CFHR1: variants seen among roughly 807,000 people sequenced by gnomAD.
CFHR1 encodes complement factor H related 1.
CFHR1 carries 22 observed loss-of-function variants against 30.4 expected under a neutral mutation model. The ratio of observed to expected loss-of-function variants is 0.72; its 90% CI spans 0.52 to 1.03. The LOEUF (loss-of-function observed/expected upper bound fraction) is 1.03. Among genes scored for constraint, CFHR1 ranks in the 50% least tolerant of loss-of-function variants. The pLI is 0.00. For missense variants in CFHR1, 248 were observed against 380.6 expected (o/e 0.65, Z 2.90); for synonymous variants, 95 against 129.1 (o/e 0.74, Z 1.79).
chr1:196,823,259 G>A lies in CFHR1; in HGVS notation c.59-2218G>A, dbSNP rs890750972. 3.7e-5 allele frequency among the ~76,000 whole-genome samples: 5 copies of A among 134,884 alleles called. 2 individuals are homozygous for A. The highest frequency in any genetic ancestry group is 1.4e-4 in the Admixed American group (2 of 13,964). 88.5% of individuals were successfully genotyped at this position (134,884 alleles called of 152,430 possible). On this transcript the variant is annotated intron_variant, in intron 1 of 5. Coordinates refer to ENST00000320493, the MANE Select transcript of CFHR1 (RefSeq NM_002113.3). Reference sequence around the variant, plus strand: ...AAGAAGACATTAACACTCCTAGCTAGCACCATTGCAGATATGCACAATGAA... The same window carrying A: ...AAGAAGACATTAACACTCCTAGCTAACACCATTGCAGATATGCACAATGAA...
intron 4 of CFHR1, among the ~76,000 whole-genome samples, chr1:196,829,136 AG>A (rs1655451459): frequency 7.4e-6 from 1 of 134,498 alleles, no homozygotes; most frequent in East Asian, 2.0e-4. Flanking sequence ...CCTTTTAAAA[AG>A]TTGTTGCTCT....
Position 196,825,522 on chromosome 1 carries a change from A to G in CFHR1, c.104A>G (p.Asp35Gly), listed in dbSNP as rs780151716. 1 of 1,519,514 alleles carries G rather than the reference A, an allele frequency of 6.6e-7. No homozygotes were observed. The highest frequency in any genetic ancestry group is 1.7e-5 in the Admixed American group (1 of 57,898). 94.1% of individuals were successfully genotyped at this position (1,519,514 alleles called of 1,614,324 possible). The change falls in exon 2 of 6, where the codon GAT becomes GGT. Residue 35 changes from aspartate (D) to glycine (G), a missense_variant. By Grantham distance (94) the Asp-to-Gly change is moderately conservative. Transcript: ENST00000320493. ...FPKINHGILY[D>G]EEKYKPFSQV... is the part of the protein sequence containing the mutation. Reference sequence around the variant, plus strand: ...AAAATAAACCATGGAATTCTATATGATGAAGAAAAATATAAGCCATTTTCC... The same window carrying G: ...AAAATAAACCATGGAATTCTATATGGTGAAGAAAAATATAAGCCATTTTCC...
In CFHR1 at chr1:196,825,185, C is replaced by T. The variant is rs530826447; in HGVS notation, c.59-292C>T. 267 of 279,962 alleles carry T rather than the reference C, an allele frequency of 9.5e-4. 37 individuals carry two copies. The highest frequency in any genetic ancestry group is 4.6e-3 in the South Asian group (114 of 24,802). The allele number at this position is 279,962 out of a possible 1,614,324, so 17.3% of individuals were successfully genotyped here. ...GCTACTCTTACACTCTGTCTTCATTCTTAAATTGTTGTGTGTGGGTTTTAT... is the reference window on the plus strand; with the variant it reads ...GCTACTCTTACACTCTGTCTTCATTTTTAAATTGTTGTGTGTGGGTTTTAT... On this transcript the variant is annotated intron_variant, in intron 1 of 5. Coordinates refer to ENST00000320493, the MANE Select transcript of CFHR1 (RefSeq NM_002113.3).
chr1:196,820,906 T>C (rs1655095936), intron 1 of CFHR1: 1 of 133,736 alleles, frequency 7.5e-6, no homozygotes, highest in Non-Finnish European at 1.5e-5. Context: ...ATGGTGTGAT[T>C]TCGGCTCACC....
Position 196,830,680 on chromosome 1 carries a change from T to A in CFHR1, c.788T>A (p.Leu263Ter), listed in dbSNP as rs1296441000. 2 of 1,523,090 alleles carry A rather than the reference T, an allele frequency of 1.3e-6. No individual in the cohort carries two copies. The highest frequency in any genetic ancestry group is 3.5e-5 in the Admixed American group (2 of 57,938). The allele number at this position is 1,523,090 out of a possible 1,614,324, so 94.3% of individuals were successfully genotyped here. A position where few individuals can be genotyped will look rare whatever the true frequency, so the allele number is the denominator to read the frequency against. Residue 263 changes from leucine to a stop codon, truncating the protein, a stop_gained and splice_region_variant, in exon 5 of 6, where the codon TTA (leucine) becomes TAA (stop). Transcript: ENST00000320493. LOFTEE classifies it low-confidence loss of function (END_TRUNC). ...CAATGGTCAGAACCACCAAAATGCT[T>A]ACGTAAGTACTTTAATATTCACGTG... is the stretch of plus-strand genomic sequence containing the variant. ...NGQWSEPPKC[L>*]HPCVISREIM... is the part of the protein sequence containing the mutation.
chr1:196,825,296 G>C lies in CFHR1; in HGVS notation c.59-181G>C, dbSNP rs416726. 215,853 of 478,748 alleles carry C rather than the reference G, an allele frequency of 0.45. 65,297 individuals are homozygous for C. The highest frequency in any genetic ancestry group is 0.66 in the African/African-American group (25,163 of 37,986). 29.7% of individuals were successfully genotyped at this position (478,748 alleles called of 1,614,324 possible). On this transcript the variant is annotated intron_variant, in intron 1 of 5. Transcript: ENST00000320493. ...TCATTAACAATTACCTCCTCAAATAGTCATGTACTCCTAGTTAGTGATGCT... is the reference window on the plus strand; with the variant it reads ...TCATTAACAATTACCTCCTCAAATACTCATGTACTCCTAGTTAGTGATGCT...
At chr1:196,823,986 G>GTA (rs1422576526) in intron 1 of CFHR1, among the ~76,000 whole-genome samples, 1 of 124,670 alleles carries the variant, frequency 8.0e-6, no homozygotes. Flanking sequence ...AAATATGTGT[G>GTA]TATATATATG....
At position 196,828,063 on chromosome 1, in the gene CFHR1, T is replaced by C. The variant is rs776074027; in HGVS notation, c.431-7T>C. On this transcript the variant is annotated splice_polypyrimidine_tract_variant and splice_region_variant and intron_variant, in intron 3 of 5. Coordinates refer to ENST00000320493, the MANE Select transcript of CFHR1 (RefSeq NM_002113.3). ...TAGGTGGAACCACTTCTTTTTTTTC[T>C]ACTCAGACACTTCCTGTGTGAATCC... 4 of 1,497,570 alleles carry C rather than the reference T, an allele frequency of 2.7e-6. 1 individual carries two copies. In the East Asian group the frequency reaches 9.1e-5, roughly 34 times the overall value. The allele number at this position is 1,497,570 out of a possible 1,614,324, so 92.8% of individuals were successfully genotyped here. A position where few individuals can be genotyped will look rare whatever the true frequency, so the allele number is the denominator to read the frequency against.
At chr1:196,831,512 G>A (rs188244598) in intron 5 of CFHR1, among the ~76,000 whole-genome samples, 1 of 135,936 alleles carries the variant, frequency 7.4e-6, no homozygotes, top group African/African-American at 3.1e-5. Context: ...AACAAAAGCA[G>A]CAATGATAAG....
Position 196,825,518 on chromosome 1 carries a change from T to C in CFHR1, c.100T>C (p.Tyr34His). 1.3e-6 allele frequency: 2 copies of C among 1,519,022 alleles called. 1 individual carries two copies. The highest frequency in any genetic ancestry group is 1.8e-6 in the Non-Finnish European group (2 of 1,123,888). The allele number at this position is 1,519,022 out of a possible 1,614,324, so 94.1% of individuals were successfully genotyped here. Residue 34 changes from tyrosine (Y) to histidine (H), a missense_variant, in exon 2 of 6, where the codon TAT becomes CAT. Physicochemically the swap from Tyr to His is moderately conservative, Grantham distance 83. This residue lies in a region of CFHR1 where 121 missense variants were observed against 162.6 expected (regional missense o/e 0.74). Coordinates refer to ENST00000320493, the MANE Select transcript of CFHR1 (RefSeq NM_002113.3). ...TCCAAAAATAAACCATGGAATTCTA[T>C]ATGATGAAGAAAAATATAAGCCATT... ...DFPKINHGIL[Y>H]DEEKYKPFSQ...
At chr1:196,820,575 G>T (rs1296037924) in intron 1 of CFHR1, among the ~76,000 whole-genome samples, 2 of 123,532 alleles carry the variant, frequency 1.6e-5, no homozygotes, top group Non-Finnish European at 3.3e-5. Flanking sequence ...CATATCAAAG[G>T]AATTGCAAAC....
Position 196,830,487 on chromosome 1 carries a change from T to C in CFHR1, c.608-13T>C. 6.6e-7 allele frequency: 1 copy of C among 1,524,928 alleles called. No homozygotes were observed. Among genetic ancestry groups the C allele is most frequent in the Non-Finnish European group, 8.9e-7 (1 of 1,128,730 alleles). 94.5% of individuals were successfully genotyped at this position (1,524,928 alleles called of 1,614,324 possible). On this transcript the variant is annotated splice_polypyrimidine_tract_variant and intron_variant, in intron 4 of 5. Coordinates refer to ENST00000320493, the MANE Select transcript of CFHR1 (RefSeq NM_002113.3). ...TCTCACAATAAATCAAGTGATGAAATGATGTTTTTTAGATTCTACGGGAAA... is the reference window on the plus strand; with the variant it reads ...TCTCACAATAAATCAAGTGATGAAACGATGTTTTTTAGATTCTACGGGAAA...
Position 196,826,778 on chromosome 1 carries a change from C to T in CFHR1, c.254-51C>T. The T allele has an allele frequency of 5.6e-6, 8 of 1,423,850 alleles. 3 individuals carry two copies. The highest frequency in any genetic ancestry group is 7.7e-6 in the Non-Finnish European group (8 of 1,041,046). The allele number at this position is 1,423,850 out of a possible 1,614,324, so 88.2% of individuals were successfully genotyped here. On this transcript the variant is annotated intron_variant, in intron 2 of 5. Coordinates refer to ENST00000320493, the MANE Select transcript of CFHR1 (RefSeq NM_002113.3). ...TAAAATATTTTAAAATGCAGTTGTA[C>T]TTTTTCTTTGCTACTTCCATCTTGT...
rs762362507 is a variant in CFHR1 at position 196,831,780 on chromosome 1, C to G, written c.791-17C>G. 1.3e-4 allele frequency: 190 copies of G among 1,514,126 alleles called. 36 individuals carry two copies. The highest frequency in any genetic ancestry group is 1.9e-4 in the Middle Eastern group (1 of 5,326). The allele number at this position is 1,514,126 out of a possible 1,614,324, so 93.8% of individuals were successfully genotyped here. On this transcript the variant is annotated splice_polypyrimidine_tract_variant and intron_variant, in intron 5 of 5. Coordinates refer to ENST00000320493, the MANE Select transcript of CFHR1 (RefSeq NM_002113.3). ...CATACTACTTAATGTTTTATGTTTA[C>G]TGTTTTTTATTTTCAGATCCGTGTG...
rs576026283 is a variant in CFHR1, at chr1:196,830,311, A to C, written c.608-189A>C. Among the ~76,000 whole-genome samples, 21 of 135,626 alleles carry C rather than the reference A, an allele frequency of 1.5e-4. 1 individual carries two copies. The South Asian group carries it at 4.3e-3, about 28-fold the overall frequency. 89.0% of individuals were successfully genotyped at this position (135,626 alleles called of 152,430 possible). On this transcript the variant is annotated intron_variant, in intron 4 of 5. Transcript: ENST00000320493. ...TAATGTTTTATGTGTTCCTTCAGTA[A>C]GGAGAAAAGAACTTAAATATATTAC...
At chr1:196,823,328 A>G (rs1283187303) in intron 1 of CFHR1, among the ~76,000 whole-genome samples, 1 of 135,156 alleles carries the variant, frequency 7.4e-6, no homozygotes, top group Non-Finnish European at 1.6e-5. Context: ...CATAGGTACA[A>G]TATAAATGGT....
intron 2 of CFHR1, among the ~76,000 whole-genome samples, chr1:196,826,497 T>G (rs1337373136): frequency 7.4e-6 from 1 of 135,094 alleles, no homozygotes. Context: ...TTTGTTTGTT[T>G]TGTTTTGTTT....
intron 2 of CFHR1, 24 bp from the exon 3 acceptor site, chr1:196,826,805 C>T: frequency 6.6e-7 from 1 of 1,504,568 alleles, no homozygotes; most frequent in Non-Finnish European, 9.0e-7. Context: ...CCATCTTGTA[C>T]ATTAATCCGT....
At position 196,831,630 on chromosome 1, in the gene CFHR1, C is replaced by T. The variant is rs1280891639; in HGVS notation, c.791-167C>T. Among the ~76,000 whole-genome samples, 2 of 135,166 alleles carry T rather than the reference C, an allele frequency of 1.5e-5. 1 individual carries two copies. Among genetic ancestry groups the T allele is most frequent in the African/African-American group, 6.3e-5 (2 of 31,546 alleles). 88.7% of individuals were successfully genotyped at this position (135,166 alleles called of 152,430 possible). A position where few individuals can be genotyped will look rare whatever the true frequency, so the allele number is the denominator to read the frequency against. Reference sequence around the variant, plus strand: ...AAAACCTCATTTTCACATCGATTACCATTTTAAGTTTATTTAAATCAATAT... The same window carrying T: ...AAAACCTCATTTTCACATCGATTACTATTTTAAGTTTATTTAAATCAATAT... On this transcript the variant is annotated intron_variant, in intron 5 of 5. Transcript: ENST00000320493.
Sources: allele counts gnomAD v4.1 joint callset (sites outside exome capture counted in the v4.1 genomes callset), GRCh38; gene constraint gnomAD v4.1.1; regional missense constraint gnomAD v4.1.1; transcripts MANE v1.5; gene names NCBI Gene and HGNC (gene_info 2026-07-23, HGNC 2026-07-21).